Variants in DOCK3 observed in about 807,000 individuals in gnomAD.
The protein encoded by DOCK3 is dedicator of cytokinesis 3.
DOCK3 carries 60 observed loss-of-function variants against 265.6 expected under a neutral mutation model. That is an observed-to-expected ratio of 0.23 (90% confidence interval 0.18 to 0.28). The LOEUF is 0.28. Among genes scored for constraint, DOCK3 ranks in the 10% least tolerant of loss-of-function variants. The probability of loss-of-function intolerance (pLI) is 1.00; values close to 1 mark genes in which losing one functional copy is unlikely to be tolerated. For synonymous variants in DOCK3, 881 were observed against 938.0 expected, an observed-to-expected ratio of 0.94 and a Z score of 1.11; for missense variants, 1,981 against 2,594.3, an observed-to-expected ratio of 0.76 and a Z score of 5.14.
chr3:51,098,991 G>A (rs2082977118), intron 9 of DOCK3, among the ~76,000 whole-genome samples: 1 of 152,150 alleles, frequency 6.6e-6, no homozygotes, highest in African/African-American at 2.4e-5. Flanking sequence ...TGATTTCTGT[G>A]CCCTATGGAT....
chr3:50,680,679 A>AT (rs879913329), intron 1 of DOCK3, among the ~76,000 whole-genome samples: 290 of 143,908 alleles, frequency 2.0e-3, no homozygotes, highest in African/African-American at 4.2e-3. Context: ...CGAATTTTTA[A>AT]TTTTTTTTTT....
chr3:51,038,611 C>T (rs2080362073), intron 5 of DOCK3, among the ~76,000 whole-genome samples: 1 of 152,142 alleles, frequency 6.6e-6, no homozygotes, highest in Non-Finnish European at 1.5e-5. Context: ...AAGGCCAGTG[C>T]TAACATCTGG....
intron 22 of DOCK3, 74 bp from the exon 23 acceptor site, chr3:51,260,082 C>T: frequency 6.9e-7 from 1 of 1,457,782 alleles, no homozygotes. Flanking sequence ...GTTACTTTGC[C>T]CCTTGTTTCC....
intron 2 of DOCK3, among the ~76,000 whole-genome samples, chr3:50,817,323 C>T (rs1341796078): frequency 1.3e-5 from 2 of 152,180 alleles, no homozygotes; most frequent in African/African-American, 4.8e-5. Flanking sequence ...TTATTTTACC[C>T]AGCTCCTATT....
chr3:50,896,270 A>G (rs776814087), intron 4 of DOCK3, among the ~76,000 whole-genome samples: 2 of 152,132 alleles, frequency 1.3e-5, no homozygotes, highest in Non-Finnish European at 2.9e-5. Flanking sequence ...GCTTTTTCTC[A>G]TATGTTTATT....
chr3:50,869,365 TTTTTTTTTTTTTTTTTTTTTTTTTTG>T (rs1433746964), intron 3 of DOCK3, among the ~76,000 whole-genome samples: 4 of 46,210 alleles, frequency 8.7e-5, no homozygotes, highest in African/African-American at 2.5e-4. Flanking sequence ...TTTTTTTTTT[TTTTTTTTTTTTTTTTTTTTTTTTTTG>T]GAGATAGGGT....
At chr3:51,000,273 A>G (rs1354069763) in intron 5 of DOCK3, among the ~76,000 whole-genome samples, 1 of 152,206 alleles carries the variant, frequency 6.6e-6, no homozygotes, top group East Asian at 1.9e-4. Flanking sequence ...TTTTCAGCCT[A>G]TGTCCAAATT....
intron 2 of DOCK3, among the ~76,000 whole-genome samples, chr3:50,807,691 G>T (rs2106703134): frequency 6.6e-6 from 1 of 152,328 alleles, no homozygotes; most frequent in South Asian, 2.1e-4. Context: ...ATGTGCAGTA[G>T]AATCTGTAGA....
Position 51,248,396 on chromosome 3 carries a change from T to C in DOCK3, c.2184+1589T>C, listed in dbSNP as rs372263012. On this transcript the variant is annotated intron_variant, in intron 22 of 52. Transcript: ENST00000266037. ...TTTTGGTGGAGACGGGGTTTCGCTG[T>C]GTTGGCCGGGCTGGTCTCCAGCTCC... Among the ~76,000 whole-genome samples, 395 of 152,350 alleles carry C rather than the reference T, an allele frequency of 2.6e-3. 3 individuals carry two copies. Among genetic ancestry groups the C allele is most frequent in the African/African-American group, 9.2e-3 (382 of 41,594 alleles).
At chr3:51,186,369 A>C (rs756099255) in intron 12 of DOCK3, among the ~76,000 whole-genome samples, 1 of 152,210 alleles carries the variant, frequency 6.6e-6, no homozygotes, top group South Asian at 2.1e-4. Flanking sequence ...AAAGCATTCA[A>C]GATGTGACTT....
At chr3:50,705,031 G>A (rs1271503337) in intron 1 of DOCK3, among the ~76,000 whole-genome samples, 1 of 35,796 alleles carries the variant, frequency 2.8e-5, no homozygotes, top group Non-Finnish European at 5.9e-5. Context: ...CTTGTTTTCT[G>A]ATTTTTTTTT....
intron 22 of DOCK3, among the ~76,000 whole-genome samples, chr3:51,248,149 C>A (rs1305847970): frequency 6.6e-6 from 1 of 152,140 alleles, no homozygotes; most frequent in Non-Finnish European, 1.5e-5. Flanking sequence ...TACTTTCATT[C>A]AAGTGGGGAA....
At chr3:50,735,994 G>A (rs900932929) in intron 1 of DOCK3, among the ~76,000 whole-genome samples, 4 of 152,110 alleles carry the variant, frequency 2.6e-5, no homozygotes, top group Non-Finnish European at 5.9e-5. Context: ...TTGGTGTGCT[G>A]CACCCATTAA....
rs1406485245 is a variant in DOCK3 at position 50,964,503 on chromosome 3, A to C, written c.315+30426A>C. Among the ~76,000 whole-genome samples the C allele has an allele frequency of 2.6e-5, 4 of 152,206 alleles. No homozygotes were observed. The East Asian group carries it at 7.7e-4, about 29-fold the overall frequency. ...ATAAAATATACACTGAATGAGATCA[A>C]TGGCAGATCGAAGAAAGGAGGAGAA... is the stretch of plus-strand genomic sequence containing the variant. On this transcript the variant is annotated intron_variant, in intron 5 of 52. Coordinates refer to ENST00000266037, the MANE Select transcript of DOCK3 (RefSeq NM_004947.5).
intron 27 of DOCK3, among the ~76,000 whole-genome samples, chr3:51,280,874 C>G (rs1314206647): frequency 6.6e-6 from 1 of 152,096 alleles, no homozygotes; most frequent in Non-Finnish European, 1.5e-5. Context: ...GACTCGTGTC[C>G]AGTCCCTACT....
chr3:50,795,152 T>C (rs1021495057), intron 2 of DOCK3, among the ~76,000 whole-genome samples: 1 of 152,168 alleles, frequency 6.6e-6, no homozygotes, highest in Non-Finnish European at 1.5e-5. Flanking sequence ...TCATTCTAGC[T>C]ACCTTTAACA....
chr3:51,078,846 G>A (rs534404310), intron 7 of DOCK3, among the ~76,000 whole-genome samples: 1 of 152,200 alleles, frequency 6.6e-6, no homozygotes, highest in East Asian at 1.9e-4. Context: ...GGTCTACTGT[G>A]TGTTATCCAG....
At chr3:51,352,261 A>G (rs1046117988) in intron 40 of DOCK3, among the ~76,000 whole-genome samples, 5 of 152,118 alleles carry the variant, frequency 3.3e-5, no homozygotes, top group African/African-American at 1.2e-4. Flanking sequence ...TAGATCCACA[A>G]TTTGTACATC....
chr3:51,103,635 A>T (rs180874272), intron 9 of DOCK3, among the ~76,000 whole-genome samples: 1 of 152,224 alleles, frequency 6.6e-6, no homozygotes, highest in African/African-American at 2.4e-5. Context: ...TAGTGCCTAC[A>T]ATGTGCCAGG....
Sources: allele counts gnomAD v4.1 joint callset (sites outside exome capture counted in the v4.1 genomes callset), GRCh38; gene constraint gnomAD v4.1.1; transcripts MANE v1.5; gene names NCBI Gene and HGNC (gene_info 2026-07-23, HGNC 2026-07-21).